The following ZACN variants were observed in gnomAD, a reference collection of about 807,000 sequenced individuals.
ZACN encodes ligand-gated cation channel ZACN.
Under a neutral mutation model 38.9 loss-of-function variants are expected in ZACN, and 52 were observed. The ratio of observed to expected loss-of-function variants is 1.34; its 90% CI spans 1.07 to 1.68. The LOEUF (loss-of-function observed/expected upper bound fraction) is 1.68, where lower values mean the gene tolerates loss of function less well. Among genes scored for constraint, ZACN ranks in the 40% most tolerant of loss-of-function variants. The pLI is 0.00. For missense variants in ZACN, 559 were observed against 525.6 expected (o/e 1.06, Z -0.62); for synonymous variants, 235 against 227.4 (o/e 1.03, Z -0.30).
Position 76,079,946 on chromosome 17 carries a change from C to T in ZACN, c.326C>T (p.Thr109Met), listed in dbSNP as rs772452404. The change falls in exon 4 of 9, where the codon ACG becomes ATG. Residue 109 changes from threonine to methionine, a missense_variant. Coordinates refer to ENST00000334586, the MANE Select transcript of ZACN (RefSeq NM_180990.4). Reference protein sequence around the residue: ...NTSAHPRHAITLPWESLWTPR... With the variant: ...NTSAHPRHAIMLPWESLWTPR... The stretch of plus-strand genomic sequence containing the variant: ...AGTGCACACCCGCGGCACGCCATCA[C>T]GCTGCCCTGGGAGTCTCTCTGGACA... The T allele has an allele frequency of 1.2e-5, 19 of 1,600,176 alleles. No individual in the cohort carries two copies. The highest frequency in any genetic ancestry group is 1.8e-4 in the Middle Eastern group (1 of 5,692).
chr17:76,082,509 TGCTGACC>T lies in ZACN; in HGVS notation c.1098_1104del (p.Asp367SerfsTer56). On this transcript the variant is annotated frameshift_variant, in exon 9 of 9. Transcript: ENST00000334586. LOFTEE classifies it low-confidence loss of function (END_TRUNC). ...GGTCACAGAGAAGCTGGCCTGAGAC[TGCTGACC>T]GCATCTTCTTCCTCGTGTATGTGGT... The T allele has an allele frequency of 6.2e-7, 1 of 1,613,800 alleles. No homozygotes were observed. Among genetic ancestry groups the T allele is most frequent in the Non-Finnish European group, 8.5e-7 (1 of 1,179,908 alleles).
chr17:76,081,120 T>C, intron 5 of ZACN, 158 bp from the exon 6 acceptor site: 1 of 990,350 alleles, frequency 1.0e-6, no homozygotes, highest in Non-Finnish European at 1.5e-6. Context: ...CAAAACAAGG[T>C]TTGGGAAGCC....
At position 76,081,658 on chromosome 17, in the gene ZACN, C is replaced by T; in HGVS notation, c.783C>T (p.Arg261=). The stretch of plus-strand genomic sequence containing the variant: ...TGCTGCCCCTCCGGGCCATTGAGCG[C>T]ATAGGCTACAAGGTGACATTGCTGC... ...GGLLPLRAIE[R]IGYKVTLLLS... The change falls in exon 7 of 9, where the codon CGC becomes CGT. Residue 261 remains arginine (R), a synonymous_variant. Transcript: ENST00000334586. 1 of 1,614,154 alleles carries T rather than the reference C, an allele frequency of 6.2e-7. No homozygotes were observed.
At chr17:76,080,721 A>T (rs1014868991) in intron 5 of ZACN, 7 of 541,298 alleles carry the variant, frequency 1.3e-5, no homozygotes, top group Non-Finnish European at 2.5e-5. Flanking sequence ...CTGCAATCCC[A>T]GAGGTCCGAG....
At chr17:76,081,240 C>T in intron 5 of ZACN, 38 bp from the exon 6 acceptor site, 1 of 1,610,770 alleles carries the variant, frequency 6.2e-7, no homozygotes, top group Non-Finnish European at 8.5e-7. Flanking sequence ...GCTGGGATCT[C>T]TCCTTCCTGG....
chr17:76,081,876 C>A lies in ZACN; in HGVS notation c.881-6C>A, dbSNP rs772689861. On this transcript the variant is annotated splice_polypyrimidine_tract_variant and splice_region_variant and intron_variant, in intron 7 of 8. Transcript: ENST00000334586. Reference sequence around the variant, plus strand: ...TGAGCATCTCCCTGTGCCCTGCCTCCCCCAGTTTACTACTTCACCATCCTG... The same window carrying A: ...TGAGCATCTCCCTGTGCCCTGCCTCACCCAGTTTACTACTTCACCATCCTG... 63 of 1,608,598 alleles carry A rather than the reference C, an allele frequency of 3.9e-5. No homozygotes were observed. Among genetic ancestry groups the A allele is most frequent in the Non-Finnish European group, 5.0e-5 (59 of 1,176,280 alleles).
intron 8 of ZACN, 87 bp from the exon 9 acceptor site, chr17:76,082,368 AAGCGATAC>A (rs763840939): frequency 1.4e-5 from 18 of 1,295,290 alleles, no homozygotes; most frequent in Non-Finnish European, 1.9e-5. Context: ...CTAAGAAAGG[AAGCGATAC>A]AGGCTGATGA....
At chr17:76,081,464 A>G (rs1175462208) in intron 6 of ZACN, 62 bp downstream of exon 6, 2 of 1,611,096 alleles carry the variant, frequency 1.2e-6, no homozygotes, top group Non-Finnish European at 1.7e-6. Context: ...GTGAGGATGC[A>G]CGGCCAGAGG....
chr17:76,081,159 C>A, intron 5 of ZACN, 119 bp from the exon 6 acceptor site: 1 of 1,430,178 alleles, frequency 7.0e-7, no homozygotes, highest in Non-Finnish European at 9.5e-7. Context: ...GTGTCCAAGT[C>A]TGTCCCTGCC....
chr17:76,080,054 C>A, intron 4 of ZACN, 60 bp downstream of exon 4: 1 of 1,517,676 alleles, frequency 6.6e-7, no homozygotes, highest in Non-Finnish European at 8.9e-7. Flanking sequence ...TTTCCCCCAT[C>A]TACAACCTAG....
At position 76,081,270 on chromosome 17, in the gene ZACN, C is replaced by A. The variant is rs368734285; in HGVS notation, c.545-8C>A. ...TCCTGGTTCATAGTTCTCATTCCCA[C>A]CCCTCAGCGATGGAGTTAGAGTTCC... On this transcript the variant is annotated splice_region_variant and splice_polypyrimidine_tract_variant and intron_variant, in intron 5 of 8. Transcript: ENST00000334586. 2 of 1,613,264 alleles carry A rather than the reference C, an allele frequency of 1.2e-6. No individual in the cohort carries two copies. The highest frequency in any genetic ancestry group is 1.3e-5 in the African/African-American group (1 of 74,908).
chr17:76,079,676 G>A (rs1425893623), intron 2 of ZACN, 26 bp from the exon 3 acceptor site: 1 of 1,612,466 alleles, frequency 6.2e-7, no homozygotes, highest in Admixed American at 1.7e-5. Flanking sequence ...CGCTCACCCT[G>A]AGGTGATGCA....
At chr17:76,080,651 G>A (rs1043178501) in intron 5 of ZACN, 2 of 693,378 alleles carry the variant, frequency 2.9e-6, no homozygotes, top group African/African-American at 1.7e-5. Context: ...CCATCTCTGT[G>A]CTCAGCGGTA....
intron 6 of ZACN, 46 bp from the exon 7 acceptor site, chr17:76,081,488 CCCCGATGCCCA>C: frequency 6.2e-7 from 1 of 1,610,140 alleles, no homozygotes; most frequent in Non-Finnish European, 8.5e-7. Flanking sequence ...GGCCCCATGC[CCCCGATGCCCA>C]CCTCCTTCCC....
intron 7 of ZACN, 23 bp from the exon 8 acceptor site, chr17:76,081,859 T>C (rs1231745207): frequency 6.2e-7 from 1 of 1,608,078 alleles, no homozygotes; most frequent in African/African-American, 1.3e-5. Context: ...CCTGAGCATC[T>C]CCCTGTGCCC....
Position 76,081,330 on chromosome 17 carries a change from G to C in ZACN, c.597G>C (p.Lys199Asn), listed in dbSNP as rs767026497. The change falls in exon 6 of 9, where the codon AAG becomes AAC. Residue 199 changes from lysine to asparagine, a missense_variant. Transcript: ENST00000334586. Reference sequence around the variant, plus strand: ...TGGTGAACGAGATTGTGAGTGTCAAGAGGGAATACGTAGTTTATGATCTGA... The same window carrying C: ...TGGTGAACGAGATTGTGAGTGTCAACAGGGAATACGTAGTTTATGATCTGA... ...AHVVNEIVSVKREYVVYDLKT... is the reference protein window; with the variant it reads ...AHVVNEIVSVNREYVVYDLKT... The C allele has an allele frequency of 6.2e-6, 10 of 1,614,188 alleles. No homozygotes were observed. Among genetic ancestry groups the C allele is most frequent in the Admixed American group, 1.7e-5 (1 of 60,028 alleles).
intron 4 of ZACN, 57 bp downstream of exon 4, chr17:76,080,051 C>G: frequency 6.9e-7 from 1 of 1,439,420 alleles, no homozygotes; most frequent in Non-Finnish European, 9.5e-7. Flanking sequence ...CCTTTTCCCC[C>G]ATCTACAACC....
At position 76,079,730 on chromosome 17, in the gene ZACN, T is replaced by A. The variant is rs773825209; in HGVS notation, c.251T>A (p.Met84Lys). Residue 84 changes from methionine (M) to lysine (K), a missense_variant, in exon 3 of 9, where the codon ATG (methionine) becomes AAG (lysine). Physicochemically the swap from Met to Lys is moderately conservative, Grantham distance 95. Transcript: ENST00000334586. ...ATCCTGCGATACACAATGTCCTCCA[T>A]GCTGCTGCTTAGGCTGGTGAGCTCC... is the stretch of plus-strand genomic sequence containing the variant. The part of the protein sequence containing the change: ...VDILRYTMSS[M>K]LLLRLSWLDT... 1 of 1,613,732 alleles carries A rather than the reference T, an allele frequency of 6.2e-7. No individual in the cohort carries two copies. The highest frequency in any genetic ancestry group is 1.7e-5 in the Admixed American group (1 of 59,992).
intron 7 of ZACN, 57 bp from the exon 8 acceptor site, chr17:76,081,825 G>A: frequency 6.2e-7 from 1 of 1,610,402 alleles, no homozygotes; most frequent in Non-Finnish European, 8.5e-7. Flanking sequence ...AGCTCGCTGG[G>A]CACCAGAGAC....
Sources: gnomAD v4.1 joint callset for allele counts on GRCh38, gnomAD v4.1.1 for gene constraint, MANE v1.5 for transcripts, NCBI Gene and HGNC (gene_info 2026-07-23, HGNC 2026-07-21) for gene names.